Variants in ADCY2 observed in about 807,000 individuals in gnomAD.
ADCY2 encodes the protein adenylate cyclase type 2.
In ADCY2, 31 loss-of-function variants were observed where a neutral mutation model predicts 125.2. The observed-to-expected ratio is 0.25, with a 90% CI of 0.19 to 0.33. The LOEUF is 0.33. Among genes scored for constraint, ADCY2 ranks in the 10% least tolerant of loss-of-function variants. The pLI is 1.00. For synonymous variants in ADCY2, 512 were observed against 548.4 expected (o/e 0.93, Z 0.93); for missense variants, 904 against 1,418.2 (o/e 0.64, Z 5.82).
At chr5:7,398,355 C>G (rs1739137467) in intron 1 of ADCY2, among the ~76,000 whole-genome samples, 1 of 152,076 alleles carries the variant, frequency 6.6e-6, no homozygotes, top group Non-Finnish European at 1.5e-5. Flanking sequence ...CTTAAAGCAC[C>G]CTTCTTTGAA....
At chr5:7,633,159 G>A (rs1218642171) in intron 4 of ADCY2, among the ~76,000 whole-genome samples, 10 of 151,924 alleles carry the variant, frequency 6.6e-5, no homozygotes, top group Admixed American at 6.5e-5. Context: ...GGCAGGGCGC[G>A]GTGGCTCATG....
intron 3 of ADCY2, among the ~76,000 whole-genome samples, chr5:7,524,953 C>A (rs540837648): frequency 6.6e-6 from 1 of 151,924 alleles, no homozygotes; most frequent in Non-Finnish European, 1.5e-5. Flanking sequence ...CTTGTATTTT[C>A]CTATTTTATT....
At chr5:7,768,458 A>T (rs1367146590) in intron 17 of ADCY2, among the ~76,000 whole-genome samples, 1 of 152,160 alleles carries the variant, frequency 6.6e-6, no homozygotes, top group African/African-American at 2.4e-5. Flanking sequence ...GCACCGACCA[A>T]ACAGTCCCCC....
At chr5:7,600,252 G>A (rs1280608523) in intron 3 of ADCY2, among the ~76,000 whole-genome samples, 2 of 152,192 alleles carry the variant, frequency 1.3e-5, no homozygotes, top group African/African-American at 4.8e-5. Flanking sequence ...CCAAATCAAT[G>A]GGAGAGAGGG....
At chr5:7,759,169 C>T (rs533928367) in intron 16 of ADCY2, among the ~76,000 whole-genome samples, 67 of 152,264 alleles carry the variant, frequency 4.4e-4, no homozygotes, top group African/African-American at 1.5e-3. Flanking sequence ...GTGTGCAATT[C>T]CCATAGGTTT....
At chr5:7,574,330 C>T (rs1012498701) in intron 3 of ADCY2, among the ~76,000 whole-genome samples, 5 of 151,720 alleles carry the variant, frequency 3.3e-5, no homozygotes, top group South Asian at 2.1e-4. Context: ...CTTGAGGAAT[C>T]GCCACACTGA....
chr5:7,772,345 C>T (rs1332288457), intron 17 of ADCY2, among the ~76,000 whole-genome samples: 2 of 152,184 alleles, frequency 1.3e-5, no homozygotes, highest in East Asian at 1.9e-4. Context: ...CGTCCGCTTT[C>T]TTCTGGTGCC....
chr5:7,747,526 A>G (rs4131923), intron 15 of ADCY2, among the ~76,000 whole-genome samples: 125,701 of 152,126 alleles, frequency 0.83, 52,713 homozygotes, highest in East Asian at 0.97. Context: ...ATGGGGACAG[A>G]CTCTATGTGT....
At chr5:7,399,156 G>T (rs1295382839) in intron 1 of ADCY2, among the ~76,000 whole-genome samples, 3 of 152,164 alleles carry the variant, frequency 2.0e-5, no homozygotes, top group Non-Finnish European at 4.4e-5. Context: ...TATTTTTGCT[G>T]CCTAAAATCT....
In ADCY2 at chr5:7,810,109, G is replaced by A. The variant is rs1178114034; in HGVS notation, c.2883+5417G>A. ...TGCTTGTTTCTTTCCATGGACTTTA[G>A]AGAAAACTGGTGGCTGTGGTGTGTT... On this transcript the variant is annotated intron_variant, in intron 22 of 24. Coordinates refer to ENST00000338316, the MANE Select transcript of ADCY2 (RefSeq NM_020546.3). Among the ~76,000 whole-genome samples, 3 of 152,260 alleles carry A rather than the reference G, an allele frequency of 2.0e-5. No individual in the cohort carries two copies. The East Asian group carries it at 5.8e-4, about 29-fold the overall frequency.
chr5:7,410,484 A>G (rs1019670197), intron 1 of ADCY2, among the ~76,000 whole-genome samples: 1 of 152,174 alleles, frequency 6.6e-6, no homozygotes, highest in Non-Finnish European at 1.5e-5. Context: ...GCCATCTGAA[A>G]TTACCGGAAA....
At chr5:7,559,895 G>A (rs963185894) in intron 3 of ADCY2, among the ~76,000 whole-genome samples, 4 of 152,184 alleles carry the variant, frequency 2.6e-5, no homozygotes, top group Admixed American at 2.0e-4. Context: ...GCACTTGCCT[G>A]TTATACCTGG....
intron 4 of ADCY2, among the ~76,000 whole-genome samples, chr5:7,681,926 T>C (rs1740352925): frequency 6.6e-6 from 1 of 152,210 alleles, no homozygotes; most frequent in South Asian, 2.1e-4. Context: ...TATTGTCCCT[T>C]TTTCCTGGGT....
chr5:7,414,743 T>G lies in ADCY2; in HGVS notation c.381T>G (p.Phe127Leu). ...LVAMGYLFMC[F>L]GGTVSPWDQV... ...CCATGGGATACCTGTTCATGTGTTT[T>G]GGAGGCACCGTCTCTCCCTGGGACC... The change falls in exon 2 of 25, where the codon TTT becomes TTG. Residue 127 changes from phenylalanine (F) to leucine (L), a missense_variant. Phe to Leu is a conservative substitution (Grantham distance 22). Coordinates refer to ENST00000338316, the MANE Select transcript of ADCY2 (RefSeq NM_020546.3). 2 of 1,612,976 alleles carry G rather than the reference T, an allele frequency of 1.2e-6. No homozygotes were observed. The highest frequency in any genetic ancestry group is 1.7e-6 in the Non-Finnish European group (2 of 1,179,734).
chr5:7,675,037 C>T (rs973583116), intron 4 of ADCY2, among the ~76,000 whole-genome samples: 1 of 151,852 alleles, frequency 6.6e-6, no homozygotes, highest in Non-Finnish European at 1.5e-5. Flanking sequence ...CACCTGTAGT[C>T]TCAGCTACTC....
chr5:7,518,782 G>A (rs1432088826), intron 2 of ADCY2, among the ~76,000 whole-genome samples: 1 of 152,112 alleles, frequency 6.6e-6, no homozygotes, highest in African/African-American at 2.4e-5. Context: ...GGTGCTCAGA[G>A]TCCACCCTGT....
intron 3 of ADCY2, among the ~76,000 whole-genome samples, chr5:7,598,649 G>A (rs116030935): frequency 6.6e-6 from 1 of 152,284 alleles, no homozygotes; most frequent in African/African-American, 2.4e-5. Context: ...TGCTAGGTGT[G>A]GGTGCTGGGG....
chr5:7,685,565 G>A (rs1740494825), intron 4 of ADCY2, among the ~76,000 whole-genome samples: 1 of 152,188 alleles, frequency 6.6e-6, no homozygotes, highest in Non-Finnish European at 1.5e-5. Flanking sequence ...CTTTCAAATA[G>A]TAAGAGTAAG....
intron 7 of ADCY2, among the ~76,000 whole-genome samples, chr5:7,704,661 C>A (rs979143618): frequency 6.6e-6 from 1 of 152,034 alleles, no homozygotes; most frequent in Non-Finnish European, 1.5e-5. Context: ...GGGTGGATCA[C>A]GAGGTCAGGA....
Sources: allele counts gnomAD v4.1 joint callset (sites outside exome capture counted in the v4.1 genomes callset), GRCh38; gene constraint gnomAD v4.1.1; transcripts MANE v1.5; gene names NCBI Gene and HGNC (gene_info 2026-07-23, HGNC 2026-07-21).